The following PATJ variants were observed in gnomAD, a reference collection of about 807,000 sequenced individuals.
PATJ encodes inaD-like protein.
A neutral mutation model predicts 224.9 loss-of-function variants in PATJ; 190 were observed. The observed-to-expected ratio is 0.84, with a 90% CI of 0.75 to 0.95. PATJ has a LOEUF of 0.95. Ranked by LOEUF, PATJ falls within the 40% of genes least tolerant of loss-of-function variation. The pLI is 0.00. For synonymous variants in PATJ, 769 were observed against 820.3 expected (o/e 0.94, Z 1.07); for missense variants, 2,121 against 2,270.3 (o/e 0.93, Z 1.34).
At chr1:61,795,931 G>T (rs1651001205) in intron 10 of PATJ, among the ~76,000 whole-genome samples, 2 of 152,064 alleles carry the variant, frequency 1.3e-5, no homozygotes, top group Admixed American at 1.3e-4. Context: ...TTTTGTAAAA[G>T]TAGTTTTTCT....
At chr1:62,119,219 G>A (rs1031199805) in intron 37 of PATJ, among the ~76,000 whole-genome samples, 5 of 152,164 alleles carry the variant, frequency 3.3e-5, no homozygotes, top group Non-Finnish European at 7.3e-5. Flanking sequence ...AGAAGAGTTT[G>A]CCCTATTTGG....
intron 28 of PATJ, among the ~76,000 whole-genome samples, chr1:62,014,685 G>A (rs1160793429): frequency 6.9e-6 from 1 of 145,676 alleles, no homozygotes; most frequent in Non-Finnish European, 1.5e-5. Flanking sequence ...TCCCACCTCA[G>A]CCTCCCAAGT....
At chr1:62,048,837 T>C (rs930757962) in intron 30 of PATJ, among the ~76,000 whole-genome samples, 5 of 152,164 alleles carry the variant, frequency 3.3e-5, no homozygotes, top group African/African-American at 7.2e-5. Flanking sequence ...GAAATGCCCA[T>C]TGAAGCATTT....
chr1:61,860,272 G>A (rs1422670931), intron 18 of PATJ, among the ~76,000 whole-genome samples: 1 of 151,786 alleles, frequency 6.6e-6, no homozygotes, highest in Non-Finnish European at 1.5e-5. Context: ...TGTTGCCCAG[G>A]CTGGTCTTGA....
chr1:61,744,652 G>A (rs1644934909), intron 1 of PATJ, among the ~76,000 whole-genome samples: 1 of 152,188 alleles, frequency 6.6e-6, no homozygotes, highest in African/African-American at 2.4e-5. Flanking sequence ...CACCACTACA[G>A]TCAACACTGA....
At position 62,123,059 on chromosome 1, in the gene PATJ, G is replaced by T. The variant is rs1264632462; in HGVS notation, c.5043+1G>T. The T allele has an allele frequency of 1.3e-6, 2 of 1,592,318 alleles. No homozygotes were observed. The highest frequency in any genetic ancestry group is 1.7e-6 in the Non-Finnish European group (2 of 1,165,878). On this transcript the variant is annotated splice_donor_variant, in intron 39 of 43. Transcript: ENST00000642238. LOFTEE classifies it high-confidence loss of function. ...ACCAAGGACTGTTGAGATAAACAGG[G>T]TAAGTCAGTCATTTTGCTGTATGTA...
chr1:62,136,477 T>TTGTGTGTGTGTG (rs111398189), intron 41 of PATJ, among the ~76,000 whole-genome samples: 1 of 149,108 alleles, frequency 6.7e-6, no homozygotes, highest in South Asian at 2.1e-4. Flanking sequence ...TGGGCTTTTC[T>TTGTGTGTGTGTG]TGTGTGTGTG....
chr1:62,009,316 A>C (rs575852980), intron 28 of PATJ, among the ~76,000 whole-genome samples: 9 of 152,288 alleles, frequency 5.9e-5, no homozygotes, highest in African/African-American at 1.9e-4. Context: ...AGAATAAGTG[A>C]GTCATGTGTG....
intron 29 of PATJ, among the ~76,000 whole-genome samples, chr1:62,029,176 GC>G (rs1648693041): frequency 6.6e-6 from 1 of 152,124 alleles, no homozygotes; most frequent in Admixed American, 6.6e-5. Flanking sequence ...TATTTGGGAT[GC>G]CTTGAAATTC....
Position 62,128,095 on chromosome 1 carries a change from G to A in PATJ, c.5166+1G>A. On this transcript the variant is annotated splice_donor_variant, in intron 40 of 43. Transcript: ENST00000642238. LOFTEE classifies it high-confidence loss of function. ...GGCCGCACGGACACAGAAGCTTAAA[G>A]TAAACGAGAGAACTGGTTGAAAGAC... 1 of 1,614,120 alleles carries A rather than the reference G, an allele frequency of 6.2e-7. No individual in the cohort carries two copies. Among genetic ancestry groups the A allele is most frequent in the Non-Finnish European group, 8.5e-7 (1 of 1,179,998 alleles).
chr1:61,828,290 G>A (rs1383152108), intron 16 of PATJ, among the ~76,000 whole-genome samples: 1 of 151,272 alleles, frequency 6.6e-6, no homozygotes, highest in African/African-American at 2.4e-5. Context: ...AAGTGAGTCT[G>A]GAAATTGCCA....
intron 41 of PATJ, among the ~76,000 whole-genome samples, chr1:62,140,936 T>A (rs1302442963): frequency 6.6e-6 from 1 of 151,870 alleles, no homozygotes; most frequent in Non-Finnish European, 1.5e-5. Context: ...CTAGACAGCT[T>A]TCTTCCTAGA....
chr1:61,754,518 A>ATTTTT (rs1557582039), intron 1 of PATJ, among the ~76,000 whole-genome samples: 1 of 108,414 alleles, frequency 9.2e-6, no homozygotes, highest in African/African-American at 3.5e-5. Flanking sequence ...AATTTTTTGC[A>ATTTTT]TGTTTTTTTT....
At chr1:62,157,544 A>C (rs1478595201) in intron 43 of PATJ, among the ~76,000 whole-genome samples, 1 of 148,220 alleles carries the variant, frequency 6.7e-6, no homozygotes, top group Non-Finnish European at 1.5e-5. Flanking sequence ...TAAAAATCCA[A>C]GCCAGGAGGG....
intron 27 of PATJ, among the ~76,000 whole-genome samples, chr1:61,963,180 C>A (rs1681563241): frequency 2.0e-5 from 3 of 152,138 alleles, no homozygotes. Context: ...TTAAATCTCC[C>A]AAAACTTTAC....
intron 28 of PATJ, chr1:62,013,590 T>A: frequency 1.2e-6 from 1 of 803,980 alleles, no homozygotes; most frequent in Non-Finnish European, 1.5e-6. Flanking sequence ...TACCATGTTG[T>A]GTTGTGGTAT....
intron 27 of PATJ, among the ~76,000 whole-genome samples, chr1:61,948,853 G>A (rs1020063016): frequency 6.6e-6 from 1 of 152,076 alleles, no homozygotes; most frequent in South Asian, 2.1e-4. Context: ...AAAAAATGTG[G>A]CACATATGCA....
At chr1:61,958,865 G>A (rs1680813376) in intron 27 of PATJ, among the ~76,000 whole-genome samples, 1 of 152,112 alleles carries the variant, frequency 6.6e-6, no homozygotes, top group African/African-American at 2.4e-5. Flanking sequence ...ATTCCTTCTA[G>A]TCCTGTGATT....
intron 31 of PATJ, among the ~76,000 whole-genome samples, chr1:62,052,136 C>T (rs1050285803): frequency 6.6e-6 from 1 of 152,134 alleles, no homozygotes; most frequent in Non-Finnish European, 1.5e-5. Context: ...AAATGTCCTA[C>T]AAATCTCAAA....
Sources: gnomAD v4.1 joint callset for allele counts (sites outside exome capture counted in the v4.1 genomes callset) on GRCh38, gnomAD v4.1.1 for gene constraint, MANE v1.5 for transcripts, NCBI Gene and HGNC (gene_info 2026-07-23, HGNC 2026-07-21) for gene names.